The following SEPTIN11 variants were observed in gnomAD, a reference collection of about 807,000 sequenced individuals.
The protein encoded by SEPTIN11 is septin-11.
SEPTIN11 carries 25 observed loss-of-function variants against 51.4 expected under a neutral mutation model. The observed-to-expected ratio is 0.49, with a 90% confidence interval of 0.35 to 0.68. The LOEUF is 0.68. SEPTIN11 is among the 30% of genes least tolerant of loss of function. The pLI is 0.00. For missense variants in SEPTIN11, 381 were observed against 520.8 expected (o/e 0.73, Z 2.61); for synonymous variants, 174 against 184.1 (o/e 0.95, Z 0.44).
chr4:76,971,072 G>C (rs1722216616), intron 1 of SEPTIN11, among the ~76,000 whole-genome samples: 1 of 152,160 alleles, frequency 6.6e-6, no homozygotes, highest in Non-Finnish European at 1.5e-5. Flanking sequence ...TATGATATCT[G>C]TATGTATATC....
intron 1 of SEPTIN11, chr4:76,995,779 A>G: frequency 1.3e-6 from 2 of 1,516,556 alleles, no homozygotes; most frequent in Admixed American, 4.2e-5. Context: ...ACCTTACCCT[A>G]GTCTACATCG....
At chr4:77,005,843 A>C in intron 3 of SEPTIN11, 47 bp downstream of exon 3, 3 of 1,541,248 alleles carry the variant, frequency 1.9e-6, no homozygotes, top group Non-Finnish European at 2.7e-6. Flanking sequence ...AGGAGATAGC[A>C]GGATCCATCC....
intron 1 of SEPTIN11, among the ~76,000 whole-genome samples, chr4:76,951,819 A>G (rs1327080023): frequency 2.0e-5 from 3 of 152,206 alleles, no homozygotes; most frequent in Non-Finnish European, 4.4e-5. Context: ...ATCACATCCA[A>G]CACCAAGTCG....
At chr4:77,025,591 A>G (rs1278518031) in intron 7 of SEPTIN11, among the ~76,000 whole-genome samples, 1 of 152,024 alleles carries the variant, frequency 6.6e-6, no homozygotes, top group Non-Finnish European at 1.5e-5. Context: ...TTTACTGAAT[A>G]TGAGCCAGTT....
chr4:76,986,724 ACT>A (rs1460195737), intron 1 of SEPTIN11, among the ~76,000 whole-genome samples: 3 of 152,176 alleles, frequency 2.0e-5, no homozygotes, highest in South Asian at 2.1e-4. Context: ...CTCCTATTTT[ACT>A]CTGTTAACCT....
intron 1 of SEPTIN11, among the ~76,000 whole-genome samples, chr4:76,963,810 A>AT (rs2109890721): frequency 6.6e-6 from 1 of 152,156 alleles, no homozygotes; most frequent in East Asian, 1.9e-4. Flanking sequence ...TTATTTATTT[A>AT]TTTTTTATTA....
intron 5 of SEPTIN11, among the ~76,000 whole-genome samples, chr4:77,018,278 GTTT>G (rs1157006089): frequency 6.6e-6 from 1 of 151,926 alleles, no homozygotes; most frequent in African/African-American, 2.4e-5. Flanking sequence ...GTGAAACCCC[GTTT>G]CTACTAAAAA....
intron 5 of SEPTIN11, among the ~76,000 whole-genome samples, chr4:77,016,643 T>TATATACACATAC (rs1725311879): frequency 7.9e-6 from 1 of 125,906 alleles, no homozygotes. Context: ...CATATATATA[T>TATATACACATAC]ATATATATAT....
intron 1 of SEPTIN11, among the ~76,000 whole-genome samples, chr4:76,978,531 A>C (rs902185706): frequency 5.3e-5 from 8 of 152,130 alleles, no homozygotes; most frequent in African/African-American, 1.7e-4. Context: ...CTTTGGAGGA[A>C]GCCTGCTTGG....
rs1725518715 is a variant in SEPTIN11 at position 77,019,192 on chromosome 4, A to G, written c.715A>G (p.Ser239Gly). 4.3e-6 allele frequency: 7 copies of G among 1,613,540 alleles called. No homozygotes were observed. Among genetic ancestry groups the G allele is most frequent in the Non-Finnish European group, 5.9e-6 (7 of 1,179,880 alleles). ...SVHLPFAVVG[S>G]TEEVKIGNKM... Reference sequence around the variant, plus strand: ...CCATCTCCCATTTGCAGTGGTTGGCAGCACCGAAGAGGTGAAGATTGGCAA... The same window carrying G: ...CCATCTCCCATTTGCAGTGGTTGGCGGCACCGAAGAGGTGAAGATTGGCAA... Residue 239 changes from serine (S) to glycine (G), a missense_variant, in exon 6 of 10, where the codon AGC becomes GGC. Physicochemically the swap from Ser to Gly is moderately conservative, Grantham distance 56. Around this residue, in one of 2 missense-constraint regions of SEPTIN11, gnomAD observed 197 missense variants for 313.1 expected, o/e 0.63. Transcript: ENST00000264893.
chr4:76,976,562 G>A (rs1056390916), intron 1 of SEPTIN11, among the ~76,000 whole-genome samples: 1 of 152,080 alleles, frequency 6.6e-6, no homozygotes, highest in African/African-American at 2.4e-5. Context: ...CTGATTTTGT[G>A]GTATCTAAAC....
At chr4:76,995,855 A>T in intron 1 of SEPTIN11, 1 of 1,535,590 alleles carries the variant, frequency 6.5e-7, no homozygotes, top group Non-Finnish European at 8.7e-7. Context: ...AAGAGGGGGA[A>T]GAAGACTCAA....
chr4:76,997,881 C>T (rs1723839508), intron 2 of SEPTIN11, among the ~76,000 whole-genome samples: 1 of 152,148 alleles, frequency 6.6e-6, no homozygotes, highest in African/African-American at 2.4e-5. Context: ...TCTGGCTTCT[C>T]TTCAGTGCCT....
At chr4:76,996,365 AT>A in intron 1 of SEPTIN11, 59 bp from the exon 2 acceptor site, 1 of 1,119,320 alleles carries the variant, frequency 8.9e-7, no homozygotes, top group Non-Finnish European at 1.4e-6. Context: ...TGTTTGTGAT[AT>A]GTGATATCCA....
intron 5 of SEPTIN11, among the ~76,000 whole-genome samples, chr4:77,017,718 A>G (rs1725398981): frequency 6.6e-6 from 1 of 152,240 alleles, no homozygotes; most frequent in Non-Finnish European, 1.5e-5. Context: ...ATGGTGGAAG[A>G]ACACTGGATC....
intron 1 of SEPTIN11, among the ~76,000 whole-genome samples, chr4:76,970,010 G>A (rs1457924524): frequency 6.6e-6 from 1 of 152,040 alleles, no homozygotes; most frequent in African/African-American, 2.4e-5. Context: ...GTTCCCTTCA[G>A]AATAAATAAC....
intron 1 of SEPTIN11, among the ~76,000 whole-genome samples, chr4:76,955,252 T>C (rs1319036045): frequency 6.6e-6 from 1 of 152,198 alleles, no homozygotes; most frequent in Non-Finnish European, 1.5e-5. Flanking sequence ...ATGCAGGTGC[T>C]GAAATTATGT....
intron 7 of SEPTIN11, among the ~76,000 whole-genome samples, chr4:77,026,587 C>T (rs1297094042): frequency 1.3e-5 from 2 of 152,152 alleles, no homozygotes; most frequent in African/African-American, 4.8e-5. Flanking sequence ...GCACCATTCT[C>T]CCTTCCGTCT....
chr4:77,010,370 T>C (rs1724777261), intron 3 of SEPTIN11, among the ~76,000 whole-genome samples: 1 of 152,142 alleles, frequency 6.6e-6, no homozygotes, highest in East Asian at 1.9e-4. Context: ...TTAGAAAATA[T>C]AGAAGAATCT....
Sources: allele counts gnomAD v4.1 joint callset (sites outside exome capture counted in the v4.1 genomes callset), GRCh38; gene constraint gnomAD v4.1.1; regional missense constraint gnomAD v4.1.1; transcripts MANE v1.5; gene names NCBI Gene and HGNC (gene_info 2026-07-23, HGNC 2026-07-21).